Variants in NOSTRIN observed in about 807,000 individuals in gnomAD.
NOSTRIN encodes the protein BM247 homolog.
In NOSTRIN, 63 loss-of-function variants were observed where a neutral mutation model predicts 59.0. The observed-to-expected ratio is 1.07, with a 90% confidence interval of 0.87 to 1.32. The LOEUF (loss-of-function observed/expected upper bound fraction) is 1.32, where lower values mean the gene tolerates loss of function less well. Among genes scored for constraint, NOSTRIN ranks in the 40% most tolerant of loss-of-function variants. NOSTRIN has a pLI of 0.00. For missense variants in NOSTRIN, 512 were observed against 473.1 expected, an observed-to-expected ratio of 1.08 and a Z score of -0.76; for synonymous variants, 200 against 165.4, an observed-to-expected ratio of 1.21 and a Z score of -1.61.
rs539945816 is a variant in NOSTRIN, at chr2:168,810,106, C to T, written c.28-1461C>T. On this transcript the variant is annotated intron_variant, in intron 1 of 15. Transcript: ENST00000317647. Reference sequence around the variant, plus strand: ...TTCTAGCAGCTGCCTCACCAGTTCACGGTCCTCACCCTCCTCCTCACTCAT... The same window carrying T: ...TTCTAGCAGCTGCCTCACCAGTTCATGGTCCTCACCCTCCTCCTCACTCAT... Among the ~76,000 whole-genome samples the T allele has an allele frequency of 4.6e-4, 70 of 152,294 alleles. 1 individual carries two copies. The highest frequency in any genetic ancestry group is 1.5e-3 in the African/African-American group (63 of 41,566).
chr2:168,834,787 A>G (rs1687623580), intron 7 of NOSTRIN, among the ~76,000 whole-genome samples: 1 of 152,114 alleles, frequency 6.6e-6, no homozygotes, highest in East Asian at 1.9e-4. Flanking sequence ...ATATCTTAAA[A>G]AAACCTCTCA....
chr2:168,798,605 C>T (rs1041323360), upstream of NOSTRIN, among the ~76,000 whole-genome samples: 4 of 152,054 alleles, frequency 2.6e-5, no homozygotes, highest in African/African-American at 9.7e-5. Flanking sequence ...AGAAAGAAAG[C>T]AGGAAGATTA....
upstream of NOSTRIN, among the ~76,000 whole-genome samples, chr2:168,793,790 T>G (rs901244643): frequency 6.6e-6 from 1 of 152,192 alleles, no homozygotes; most frequent in African/African-American, 2.4e-5. Flanking sequence ...TAAGGTCCCA[T>G]GCAAACTGTG....
intron 8 of NOSTRIN, among the ~76,000 whole-genome samples, chr2:168,849,170 TTTC>T (rs779898995): frequency 1.3e-4 from 20 of 152,106 alleles, no homozygotes; most frequent in Non-Finnish European, 2.6e-4. Context: ...CATACCCATC[TTTC>T]TTCTTCCCTA....
intron 7 of NOSTRIN, among the ~76,000 whole-genome samples, chr2:168,838,188 A>C (rs936797483): frequency 1.3e-5 from 2 of 152,100 alleles, no homozygotes; most frequent in African/African-American, 2.4e-5. Context: ...CCAAAATCCA[A>C]CCATCACTTT....
chr2:168,849,843 C>T (rs1432717502), intron 8 of NOSTRIN, among the ~76,000 whole-genome samples: 1 of 151,798 alleles, frequency 6.6e-6, no homozygotes, highest in East Asian at 1.9e-4. Flanking sequence ...TGCTTAGTTG[C>T]TAAAGCTTTC....
intron 1 of NOSTRIN, among the ~76,000 whole-genome samples, chr2:168,803,272 G>A (rs951993597): frequency 6.6e-6 from 1 of 152,212 alleles, no homozygotes; most frequent in African/African-American, 2.4e-5. Flanking sequence ...CAAAGACATT[G>A]TGAGGTCTCC....
chr2:168,839,385 A>T (rs1559126993), intron 7 of NOSTRIN, among the ~76,000 whole-genome samples: 1 of 151,920 alleles, frequency 6.6e-6, no homozygotes, highest in Non-Finnish European at 1.5e-5. Flanking sequence ...TACCTACATA[A>T]CTCTATCAGC....
intron 7 of NOSTRIN, among the ~76,000 whole-genome samples, chr2:168,837,378 C>T (rs150498106): frequency 0.19 from 25,235 of 131,794 alleles, 2,409 homozygotes; most frequent in African/African-American, 0.27. Flanking sequence ...GGCGCGATCT[C>T]GGCTTACTGC....
upstream of NOSTRIN, among the ~76,000 whole-genome samples, chr2:168,795,741 G>A (rs1037338187): frequency 2.6e-5 from 4 of 152,162 alleles, no homozygotes; most frequent in African/African-American, 9.7e-5. Context: ...GAGGCAAAAA[G>A]CTTATTTTGT....
intron 11 of NOSTRIN, chr2:168,856,224 T>A: frequency 4.6e-6 from 1 of 217,062 alleles, no homozygotes; most frequent in Non-Finnish European, 9.3e-6. Flanking sequence ...AACAGTTCAT[T>A]TATCATTCAG....
chr2:168,861,002 T>C (rs1689410730), intron 14 of NOSTRIN, 93 bp downstream of exon 14: 1 of 773,104 alleles, frequency 1.3e-6, no homozygotes, highest in Non-Finnish European at 2.3e-6. Context: ...CTTTGACCTG[T>C]ATCTGTTTAA....
rs141667979 is a variant in NOSTRIN, at chr2:168,824,089, A to G, written c.114-545A>G. Among the ~76,000 whole-genome samples the G allele has an allele frequency of 1.1e-4, 17 of 152,248 alleles. No homozygotes were observed. The East Asian group carries it at 2.7e-3, about 24-fold the overall frequency. The stretch of plus-strand genomic sequence containing the variant: ...AAACTCCATCTCAAAACAAAAAACA[A>G]AAAAACAAAAACAGAAACCTCTGTC... On this transcript the variant is annotated intron_variant, in intron 2 of 15. Transcript: ENST00000317647.
intron 11 of NOSTRIN, chr2:168,855,969 C>G (rs1689078237): frequency 4.6e-6 from 2 of 435,352 alleles, no homozygotes; most frequent in Middle Eastern, 3.4e-4. Context: ...CTGATGTCTA[C>G]CTAGTAACTT....
intron 8 of NOSTRIN, among the ~76,000 whole-genome samples, chr2:168,844,728 C>T (rs192766537): frequency 9.9e-5 from 15 of 151,894 alleles, no homozygotes; most frequent in African/African-American, 2.7e-4. Flanking sequence ...AAATTAGCCG[C>T]GCGTGGTGGC....
chr2:168,800,438 T>C (rs970122823), upstream of NOSTRIN, among the ~76,000 whole-genome samples: 8 of 152,156 alleles, frequency 5.3e-5, no homozygotes, highest in African/African-American at 1.9e-4. Flanking sequence ...AGCCAAGTTC[T>C]AATTCTCAGT....
At position 168,865,219 on chromosome 2, in the gene NOSTRIN, G is replaced by A; in HGVS notation, c.*249G>A. On this transcript the variant is annotated 3_prime_UTR_variant, in exon 16 of 16. Transcript: ENST00000317647. The stretch of plus-strand genomic sequence containing the variant: ...AGTTTCCAAATTCTAGGAGACCCTA[G>A]AGATGATCCAGTATAACCCCTGGTG... 1 of 449,046 alleles carries A rather than the reference G, an allele frequency of 2.2e-6. No homozygotes were observed. Among genetic ancestry groups the A allele is most frequent in the Non-Finnish European group, 4.0e-6 (1 of 251,122 alleles). The allele number at this position is 449,046 out of a possible 1,614,324, so 27.8% of individuals were successfully genotyped here. A position where few individuals can be genotyped will look rare whatever the true frequency, so the allele number is the denominator to read the frequency against.
At chr2:168,818,119 T>G (rs1686511408) in intron 2 of NOSTRIN, 1 of 182,896 alleles carries the variant, frequency 5.5e-6, no homozygotes, top group Admixed American at 5.4e-5. Flanking sequence ...GTCACCTGCT[T>G]CTTTCAAGCA....
rs200698517 is a variant in NOSTRIN at position 168,851,367 on chromosome 2, C to T, written c.818C>T (p.Thr273Ile). Reference sequence around the variant, plus strand: ...ATGGAAGAAACTGCAATTTTATCTACAGAAAACAAATCTGAGTTCCTGTTA... The same window carrying T: ...ATGGAAGAAACTGCAATTTTATCTATAGAAAACAAATCTGAGTTCCTGTTA... ...AVMEETAILS[T>I]ENKSEFLLTD... The change falls in exon 10 of 16, where the codon ACA becomes ATA. Residue 273 changes from threonine to isoleucine, a missense_variant. Coordinates refer to ENST00000317647, the MANE Select transcript of NOSTRIN (RefSeq NM_001039724.4). 9.2e-5 allele frequency: 149 copies of T among 1,612,726 alleles called. 2 individuals are homozygous for T. In the African/African-American group the frequency reaches 1.5e-3, roughly 17 times the overall value.
Sources: allele counts gnomAD v4.1 joint callset (sites outside exome capture counted in the v4.1 genomes callset), GRCh38; gene constraint gnomAD v4.1.1; transcripts MANE v1.5; gene names NCBI Gene and HGNC (gene_info 2026-07-23, HGNC 2026-07-21).